The following DTNB variants were observed in gnomAD, a reference collection of about 807,000 sequenced individuals.
DTNB encodes dystrobrevin beta, also known as DTN-B.
DTNB carries 63 observed loss-of-function variants against 90.7 expected under a neutral mutation model. That is an observed-to-expected ratio of 0.69 (90% CI 0.57 to 0.86). DTNB has a LOEUF of 0.86. Ranked by LOEUF, DTNB falls within the 40% of genes least tolerant of loss-of-function variation. The pLI, the probability that DTNB is intolerant of heterozygous loss-of-function variation, is 0.00. For synonymous variants in DTNB, 277 were observed against 286.7 expected (o/e 0.97, Z 0.34); for missense variants, 744 against 807.1 (o/e 0.92, Z 0.95).
chr2:25,474,541 T>C (rs1320650040), intron 10 of DTNB, among the ~76,000 whole-genome samples: 1 of 152,218 alleles, frequency 6.6e-6, no homozygotes, highest in Non-Finnish European at 1.5e-5. Flanking sequence ...TCTATTGTCC[T>C]TGGTCTTAAA....
intron 1 of DTNB, among the ~76,000 whole-genome samples, chr2:25,672,323 G>A (rs1054164990): frequency 6.6e-6 from 1 of 151,018 alleles, no homozygotes; most frequent in Non-Finnish European, 1.5e-5. Context: ...TGGCAAATGT[G>A]GCCAAACCTT....
intron 9 of DTNB, among the ~76,000 whole-genome samples, chr2:25,507,461 T>C (rs2072740140): frequency 6.6e-6 from 1 of 152,200 alleles, no homozygotes. Flanking sequence ...GTTCTACCTA[T>C]AGTAATCCTC....
chr2:25,416,041 T>C lies in DTNB; in HGVS notation c.1575+3474A>G, dbSNP rs1222960525. Among the ~76,000 whole-genome samples the C allele has an allele frequency of 2.0e-5, 3 of 152,300 alleles. No homozygotes were observed. In the East Asian group the frequency reaches 5.8e-4, roughly 29 times the overall value. ...AATCTGAAGAACCACTACTTGTGAT[T>C]GGTGTCTGAAGTGTGAGGCACTCCT... is the stretch of plus-strand genomic sequence containing the variant. On this transcript the variant is annotated intron_variant, in intron 16 of 20. Transcript: ENST00000406818.
At chr2:25,485,772 C>A (rs997432700) in intron 9 of DTNB, among the ~76,000 whole-genome samples, 2 of 151,764 alleles carry the variant, frequency 1.3e-5, no homozygotes, top group Non-Finnish European at 2.9e-5. Context: ...TCTTAGAAGG[C>A]ATAACATGGC....
chr2:25,455,167 C>A (rs980074276), intron 11 of DTNB, among the ~76,000 whole-genome samples: 11 of 152,130 alleles, frequency 7.2e-5, no homozygotes, highest in Admixed American at 3.3e-4. Flanking sequence ...AGGAAGTGAA[C>A]CCCACTTTAA....
At chr2:25,557,443 GAGAGCCAGC>G (rs2057553185) in intron 8 of DTNB, among the ~76,000 whole-genome samples, 1 of 152,148 alleles carries the variant, frequency 6.6e-6, no homozygotes, top group Admixed American at 6.5e-5. Flanking sequence ...AAAATAGGAG[GAGAGCCAGC>G]AGTCCACTGA....
At chr2:25,379,254 G>A in intron 20 of DTNB, 36 bp downstream of exon 20, 1 of 1,312,920 alleles carries the variant, frequency 7.6e-7, no homozygotes, top group Non-Finnish European at 9.8e-7. Flanking sequence ...GAAGGAGGGA[G>A]GGGCCGTGGG....
chr2:25,612,065 C>T (rs2068780589), intron 4 of DTNB, among the ~76,000 whole-genome samples: 3 of 152,140 alleles, frequency 2.0e-5, no homozygotes, highest in Admixed American at 2.0e-4. Flanking sequence ...AATTTACACA[C>T]TCGAGAAGCC....
chr2:25,646,770 T>G (rs898868789), intron 2 of DTNB, among the ~76,000 whole-genome samples: 1 of 152,204 alleles, frequency 6.6e-6, no homozygotes, highest in Non-Finnish European at 1.5e-5. Flanking sequence ...CTCCTTAAGA[T>G]GTATAAAACC....
intron 16 of DTNB, among the ~76,000 whole-genome samples, chr2:25,410,499 G>C (rs10189164): frequency 0.39 from 60,040 of 152,008 alleles, 14,816 homozygotes; most frequent in African/African-American, 0.69. Context: ...GTATGCAAGA[G>C]TAAGTTCCTG....
rs185806364 is a variant in DTNB at position 25,527,189 on chromosome 2, A to T, written c.1001+4284T>A. Reference sequence around the variant, plus strand: ...ACTAGGGGGAAAAAATAAAAAAATTAAAAAACCTGAAATGAGTAAGCTAAC... The same window carrying T: ...ACTAGGGGGAAAAAATAAAAAAATTTAAAAACCTGAAATGAGTAAGCTAAC... On this transcript the variant is annotated intron_variant, in intron 9 of 20. Transcript: ENST00000406818. Among the ~76,000 whole-genome samples, 1,097 of 152,290 alleles carry T rather than the reference A, an allele frequency of 7.2e-3. 4 individuals carry two copies. The highest frequency in any genetic ancestry group is 0.044 in the Middle Eastern group (13 of 294).
At chr2:25,610,044 T>C (rs1007344737) in intron 4 of DTNB, among the ~76,000 whole-genome samples, 2 of 152,188 alleles carry the variant, frequency 1.3e-5, no homozygotes, top group African/African-American at 4.8e-5. Flanking sequence ...TAAGTTACTG[T>C]TTCCAAAGAC....
chr2:25,418,583 C>T (rs1473667145), intron 16 of DTNB, among the ~76,000 whole-genome samples: 1 of 151,646 alleles, frequency 6.6e-6, no homozygotes, highest in Non-Finnish European at 1.5e-5. Flanking sequence ...ACTGTAGTCC[C>T]AGCTACTCAG....
intron 10 of DTNB, among the ~76,000 whole-genome samples, chr2:25,473,487 T>A (rs867862603): frequency 6.6e-5 from 10 of 152,208 alleles, no homozygotes; most frequent in Admixed American, 1.3e-4. Context: ...CATGTGTGTG[T>A]TCATGTGTGT....
chr2:25,638,467 T>C (rs2077547166), intron 3 of DTNB, among the ~76,000 whole-genome samples: 1 of 152,192 alleles, frequency 6.6e-6, no homozygotes, highest in Non-Finnish European at 1.5e-5. Flanking sequence ...ACGAGAAAAG[T>C]ACAATAATTC....
At chr2:25,626,058 A>G (rs1483821926) in intron 4 of DTNB, among the ~76,000 whole-genome samples, 1 of 152,196 alleles carries the variant, frequency 6.6e-6, no homozygotes, top group East Asian at 1.9e-4. Context: ...AATTGTAAGA[A>G]ATAAATCTGT....
chr2:25,585,704 C>T lies in DTNB; in HGVS notation c.604-4878G>A, dbSNP rs572597543. Among the ~76,000 whole-genome samples, 8 of 152,294 alleles carry T rather than the reference C, an allele frequency of 5.3e-5. No individual in the cohort carries two copies. In the South Asian group the frequency reaches 8.3e-4, roughly 16 times the overall value. On this transcript the variant is annotated intron_variant, in intron 6 of 20. Coordinates refer to ENST00000406818, the MANE Select transcript of DTNB (RefSeq NM_021907.5). ...GCAACATAGAAATATTTACCCATTG[C>T]CTTATCATTTAAATGATGTATGACA...
chr2:25,628,625 C>T (rs762707562), intron 3 of DTNB, among the ~76,000 whole-genome samples: 7 of 152,140 alleles, frequency 4.6e-5, no homozygotes, highest in Non-Finnish European at 1.0e-4. Flanking sequence ...GAGTATTTCA[C>T]GTCTCTGCAA....
intron 1 of DTNB, among the ~76,000 whole-genome samples, chr2:25,653,507 CTTTCT>C (rs754301723): frequency 2.8e-4 from 31 of 109,292 alleles, no homozygotes; most frequent in Non-Finnish European, 4.5e-4. Context: ...TTCTTTCTTT[CTTTCT>C]TTCTTTTTTT....
Sources: gnomAD v4.1 joint callset for allele counts (sites outside exome capture counted in the v4.1 genomes callset) on GRCh38, gnomAD v4.1.1 for gene constraint, MANE v1.5 for transcripts, NCBI Gene and HGNC (gene_info 2026-07-23, HGNC 2026-07-21) for gene names.